GLIS3: variants seen among roughly 807,000 people sequenced by gnomAD.
The protein encoded by GLIS3 is GLIS family zinc finger 3.
In GLIS3, 53 loss-of-function variants were observed where a neutral mutation model predicts 78.6. The observed-to-expected ratio is 0.67, with a 90% CI of 0.54 to 0.85. The LOEUF is 0.85. Ranked by LOEUF, GLIS3 falls within the 40% of genes least tolerant of loss-of-function variation. The pLI is 0.00. For missense variants in GLIS3, 1,703 were observed against 1,231.1 expected (o/e 1.38, Z -5.74); for synonymous variants, 684 against 509.9 (o/e 1.34, Z -4.60).
chr9:4,300,294 G>C (rs953856998), upstream of GLIS3, among the ~76,000 whole-genome samples: 2 of 151,774 alleles, frequency 1.3e-5, no homozygotes, highest in Non-Finnish European at 2.9e-5. Flanking sequence ...GGTAACAGCA[G>C]GGAGACACTT....
At chr9:4,213,146 G>A (rs1345599586) in intron 2 of GLIS3, among the ~76,000 whole-genome samples, 1 of 152,088 alleles carries the variant, frequency 6.6e-6, no homozygotes, top group African/African-American at 2.4e-5. Context: ...TCCTAGAATT[G>A]ACCAGGTAAA....
chr9:4,269,984 G>T (rs754756201), intron 2 of GLIS3, among the ~76,000 whole-genome samples: 4 of 152,204 alleles, frequency 2.6e-5, no homozygotes, highest in Non-Finnish European at 5.9e-5. Context: ...ACAGGTGTTT[G>T]TAATGGTTCA....
At chr9:4,105,181 GAAACA>G (rs751221609) in intron 4 of GLIS3, among the ~76,000 whole-genome samples, 2 of 152,116 alleles carry the variant, frequency 1.3e-5, no homozygotes, top group Non-Finnish European at 2.9e-5. Context: ...AATGAAGGCA[GAAACA>G]AAACAAAGTG....
At chr9:4,010,149 A>G (rs1821882958) in intron 4 of GLIS3, among the ~76,000 whole-genome samples, 1 of 152,160 alleles carries the variant, frequency 6.6e-6, no homozygotes. Flanking sequence ...GGCAGGGGTA[A>G]CAAGATAGAT....
chr9:4,372,701 T>C, the GLIS3 span, among the ~76,000 whole-genome samples: 1 of 152,170 alleles, frequency 6.6e-6, no homozygotes, highest in Non-Finnish European at 1.5e-5. Context: ...GAGACCCAGA[T>C]CTGCTTAAAT....
In GLIS3 at chr9:4,323,372, G is replaced by A. The variant is rs554339820; in HGVS notation, n.265-12844C>T. Among the ~76,000 whole-genome samples, 5 of 152,192 alleles carry A rather than the reference G, an allele frequency of 3.3e-5. No individual in the cohort carries two copies. In the East Asian group the frequency reaches 5.8e-4, roughly 18 times the overall value. Reference sequence around the variant, plus strand: ...TTTTCCTTGCTTTTAAATTTCATAAGAAGAGTGTTATGCTGTGTATAGTCT... The same window carrying A: ...TTTTCCTTGCTTTTAAATTTCATAAAAAGAGTGTTATGCTGTGTATAGTCT... On this transcript the variant is annotated intron_variant and non_coding_transcript_variant, in intron 2 of 4. Coordinates refer to the GLIS3 transcript ENST00000471664.
At chr9:4,325,745 T>A (rs778162987) in intron 2 of GLIS3, among the ~76,000 whole-genome samples, 2 of 152,204 alleles carry the variant, frequency 1.3e-5, no homozygotes, top group Non-Finnish European at 2.9e-5. Flanking sequence ...CAAAGTAATC[T>A]TGTTCATGAT....
Position 4,118,109 on chromosome 9 carries a change from C to CT in GLIS3, c.1368dup (p.Gly457ArgfsTer97). The CT allele has an allele frequency of 7.9e-7, 1 of 1,261,588 alleles. No homozygotes were observed. The highest frequency in any genetic ancestry group is 1.1e-6 in the Non-Finnish European group (1 of 911,296). The allele number at this position is 1,261,588 out of a possible 1,614,324, so 78.1% of individuals were successfully genotyped here. On this transcript the variant is annotated frameshift_variant, in exon 4 of 11. Transcript: ENST00000381971. LOFTEE classifies it high-confidence loss of function. The surrounding 1 kb of genome is among the most constrained non-coding windows in gnomAD (Gnocchi z 4.7). Reference sequence around the variant, plus strand: ...TGGGCATGGTAAGGGGGTGGGGGGCCTGGGGGCGGCGGCAGAGGAGGGAGC... The same window carrying CT: ...TGGGCATGGTAAGGGGGTGGGGGGCCTTGGGGGCGGCGGCAGAGGAGGGAGC...
chr9:4,446,944 T>C, the GLIS3 span, among the ~76,000 whole-genome samples: 2 of 152,136 alleles, frequency 1.3e-5, no homozygotes, highest in Admixed American at 6.6e-5. Context: ...AACAAACACA[T>C]ACACCAATTT....
intron 4 of GLIS3, among the ~76,000 whole-genome samples, chr9:4,008,604 T>C (rs1357164700): frequency 6.6e-6 from 1 of 152,166 alleles, no homozygotes; most frequent in African/African-American, 2.4e-5. Context: ...GGCCAGCTGG[T>C]GACTCTCAGA....
chr9:4,380,876 A>C, the GLIS3 span, among the ~76,000 whole-genome samples: 1 of 152,196 alleles, frequency 6.6e-6, no homozygotes, highest in East Asian at 1.9e-4. Context: ...TTATCTCTCA[A>C]AATGTCTCTA....
rs529253181 is a variant in GLIS3, at chr9:4,337,224, G to A, written n.264+9857C>T. Among the ~76,000 whole-genome samples the A allele has an allele frequency of 2.0e-4, 30 of 152,256 alleles. No individual in the cohort carries two copies. The South Asian group carries it at 5.6e-3, about 28-fold the overall frequency. Reference sequence around the variant, plus strand: ...TCTCATTCTGGGACACAGTCCTGAGGAAATAATCAGAAGCTCAGAAAAATA... The same window carrying A: ...TCTCATTCTGGGACACAGTCCTGAGAAAATAATCAGAAGCTCAGAAAAATA... On this transcript the variant is annotated intron_variant and non_coding_transcript_variant, in intron 2 of 4. Coordinates refer to the GLIS3 transcript ENST00000471664.
At chr9:4,404,016 T>C in the GLIS3 span, among the ~76,000 whole-genome samples, 1 of 151,664 alleles carries the variant, frequency 6.6e-6, no homozygotes, top group Non-Finnish European at 1.5e-5. Context: ...AGGCTGAAAA[T>C]AAAGAGATGG....
chr9:4,186,960 A>T (rs1189751978), intron 2 of GLIS3, among the ~76,000 whole-genome samples: 1 of 152,060 alleles, frequency 6.6e-6, no homozygotes, highest in Non-Finnish European at 1.5e-5. Context: ...GTTCACTCTG[A>T]CGGTAGTTTC....
At chr9:4,447,327 T>C in the GLIS3 span, among the ~76,000 whole-genome samples, 7 of 151,976 alleles carry the variant, frequency 4.6e-5, no homozygotes, top group African/African-American at 2.4e-5. Flanking sequence ...GATTGATCCA[T>C]TTGTGAGCTA....
At chr9:4,133,874 A>ACACCCC (rs768664577) in intron 2 of GLIS3, among the ~76,000 whole-genome samples, 67 of 123,986 alleles carry the variant, frequency 5.4e-4, no homozygotes, top group Non-Finnish European at 7.3e-4. Flanking sequence ...ACACACACAC[A>ACACCCC]CCGTACATCT....
intron 2 of GLIS3, among the ~76,000 whole-genome samples, chr9:4,203,624 A>G (rs1010548390): frequency 1.3e-5 from 2 of 152,228 alleles, no homozygotes; most frequent in Non-Finnish European, 2.9e-5. Flanking sequence ...AAAAGAAAAC[A>G]AATTTTTCAA....
At chr9:4,387,330 TCTTA>T in the GLIS3 span, among the ~76,000 whole-genome samples, 1 of 152,104 alleles carries the variant, frequency 6.6e-6, no homozygotes, top group Non-Finnish European at 1.5e-5. Context: ...TTGGTCAGGT[TCTTA>T]CTTACATGAG....
chr9:4,467,732 C>T, the GLIS3 span, among the ~76,000 whole-genome samples: 1 of 152,146 alleles, frequency 6.6e-6, no homozygotes, highest in African/African-American at 2.4e-5. Flanking sequence ...CCTCTTCACC[C>T]CCAAAGGAAG....
Sources: gnomAD v4.1 joint callset for allele counts (sites outside exome capture counted in the v4.1 genomes callset) on GRCh38, gnomAD v4.1.1 for gene constraint, Gnocchi (gnomAD v3.1) non-coding constraint, MANE v1.5 for transcripts, NCBI Gene and HGNC (gene_info 2026-07-23, HGNC 2026-07-21) for gene names.